The following NLRP8 variants were observed in gnomAD, a reference collection of about 807,000 sequenced individuals.
NLRP8 encodes the protein NACHT, LRR and PYD domains-containing protein 8.
Under a neutral mutation model 88.7 loss-of-function variants are expected in NLRP8, and 86 were observed. That is an observed-to-expected ratio of 0.97 (90% CI 0.81 to 1.16). The LOEUF (loss-of-function observed/expected upper bound fraction) is 1.16. Ranked by LOEUF, NLRP8 falls within the 50% of genes most tolerant of loss-of-function variation. The pLI, the probability that NLRP8 is intolerant of heterozygous loss-of-function variation, is 0.00. For missense variants in NLRP8, 1,342 were observed against 1,286.5 expected (o/e 1.04, Z -0.66); for synonymous variants, 504 against 494.6 (o/e 1.02, Z -0.25).
Position 55,947,876 on chromosome 19 carries a change from C to A in NLRP8, c.-27C>A. On this transcript the variant is annotated 5_prime_UTR_variant, in exon 1 of 10. It adds an upstream start codon to the 5' untranslated region. Transcript: ENST00000291971. The stretch of plus-strand genomic sequence containing the variant: ...CAATCGGTTGTCTTTATCGTGGACA[C>A]TGAGGTGTTCTCTGCCTTGACTAAA... The A allele has an allele frequency of 6.3e-7, 1 of 1,586,392 alleles. No homozygotes were observed. The highest frequency in any genetic ancestry group is 1.8e-4 in the Middle Eastern group (1 of 5,580).
chr19:55,950,569 C>T (rs1364766203), intron 1 of NLRP8, among the ~76,000 whole-genome samples: 2 of 152,200 alleles, frequency 1.3e-5, no homozygotes, highest in African/African-American at 2.4e-5. Flanking sequence ...AGATCATTCC[C>T]AGACAGCAAC....
Position 55,948,042 on chromosome 19 carries a change from A to G in NLRP8, c.140A>G (p.Asn47Ser), listed in dbSNP as rs750759488. 1 of 1,614,106 alleles carries G rather than the reference A, an allele frequency of 6.2e-7. No homozygotes were observed. The highest frequency in any genetic ancestry group is 2.2e-5 in the East Asian group (1 of 44,860). The change falls in exon 1 of 10, where the codon AAC becomes AGC. Residue 47 changes from asparagine (N) to serine (S), a missense_variant. Asn to Ser is a conservative substitution (Grantham distance 46, BLOSUM62 1). Coordinates refer to ENST00000291971, the MANE Select transcript of NLRP8 (RefSeq NM_176811.2). ...AATGGGGTCATGCTGTACATGAGAA[A>G]CGTGAGCCATGAGGAGCTACAACGG...
At chr19:55,980,578 T>C (rs1214485628) in intron 9 of NLRP8, among the ~76,000 whole-genome samples, 2 of 151,728 alleles carry the variant, frequency 1.3e-5, no homozygotes, top group Admixed American at 1.3e-4. Context: ...CTTGTGTGGC[T>C]GTGGGCGGCG....
intron 9 of NLRP8, chr19:55,987,715 G>C (rs116918966): frequency 2.4e-6 from 2 of 824,412 alleles, no homozygotes; most frequent in Admixed American, 1.9e-5. Flanking sequence ...GGAGGGGTAC[G>C]GTCTGTAGAA....
intron 7 of NLRP8, among the ~76,000 whole-genome samples, chr19:55,975,714 A>T (rs530284182): frequency 2.6e-5 from 4 of 151,132 alleles, no homozygotes; most frequent in Admixed American, 2.6e-4. Flanking sequence ...TTTAAATGAC[A>T]TGCCAAAAAT....
In NLRP8 at chr19:55,966,326, T is replaced by C. The variant is rs1192577539; in HGVS notation, c.2327T>C (p.Val776Ala). The C allele has an allele frequency of 1.2e-6, 2 of 1,614,016 alleles. No individual in the cohort carries two copies. Among genetic ancestry groups the C allele is most frequent in the East Asian group, 4.5e-5 (2 of 44,884 alleles). ...CATGTGGAAGTGGAGTCCAAAGCTG[T>C]GAAGCTTCTATGCAGGGTGCTGAGA... The change falls in exon 5 of 10, where the codon GTG becomes GCG. Residue 776 changes from valine to alanine, a missense_variant. Coordinates refer to ENST00000291971, the MANE Select transcript of NLRP8 (RefSeq NM_176811.2).
intron 4 of NLRP8, among the ~76,000 whole-genome samples, chr19:55,964,959 G>T (rs923011006): frequency 2.0e-5 from 3 of 152,088 alleles, no homozygotes; most frequent in African/African-American, 2.4e-5. Flanking sequence ...AGCATTAGAG[G>T]TGCAAGGCAA....
intron 3 of NLRP8, among the ~76,000 whole-genome samples, chr19:55,957,990 A>G (rs2123194256): frequency 6.6e-6 from 1 of 152,272 alleles, no homozygotes; most frequent in East Asian, 1.9e-4. Context: ...AATGTCAAGC[A>G]CTTGCTTTAT....
chr19:55,985,224 A>C (rs1468667454), intron 9 of NLRP8, among the ~76,000 whole-genome samples: 1 of 152,052 alleles, frequency 6.6e-6, no homozygotes. Context: ...AATCGCTTGA[A>C]CTGGGGAGGC....
intron 1 of NLRP8, among the ~76,000 whole-genome samples, chr19:55,951,263 A>G (rs1979082626): frequency 6.6e-6 from 1 of 152,194 alleles, no homozygotes; most frequent in African/African-American, 2.4e-5. Flanking sequence ...TAAATAATCA[A>G]CAATATGTAC....
intron 3 of NLRP8, among the ~76,000 whole-genome samples, chr19:55,961,661 G>A (rs931495581): frequency 6.6e-6 from 1 of 152,146 alleles, no homozygotes; most frequent in African/African-American, 2.4e-5. Flanking sequence ...AATCAGTCAG[G>A]TGTGGTGGCG....
At chr19:55,959,798 C>G (rs1373831947) in intron 3 of NLRP8, among the ~76,000 whole-genome samples, 4 of 152,306 alleles carry the variant, frequency 2.6e-5, no homozygotes, top group Admixed American at 6.5e-5. Context: ...AGCTATATGT[C>G]TACGTGTAAG....
intron 1 of NLRP8, among the ~76,000 whole-genome samples, chr19:55,950,165 C>T (rs1340400233): frequency 1.3e-5 from 2 of 151,122 alleles, no homozygotes; most frequent in African/African-American, 4.9e-5. Flanking sequence ...AATCCCAGCA[C>T]TTTGGGAGGC....
At chr19:55,971,260 T>A (rs1212780566) in intron 6 of NLRP8, among the ~76,000 whole-genome samples, 2 of 151,902 alleles carry the variant, frequency 1.3e-5, no homozygotes, top group African/African-American at 4.8e-5. Flanking sequence ...GCCAACATGG[T>A]GAAACCCCAT....
At chr19:55,978,780 G>T (rs765889215) in intron 8 of NLRP8, among the ~76,000 whole-genome samples, 1 of 152,098 alleles carries the variant, frequency 6.6e-6, no homozygotes, top group Non-Finnish European at 1.5e-5. Flanking sequence ...ATTTGAGCTG[G>T]GTGTGGTGGC....
intron 4 of NLRP8, among the ~76,000 whole-genome samples, chr19:55,965,661 T>A (rs1979802807): frequency 3.2e-5 from 1 of 31,198 alleles, no homozygotes; most frequent in Admixed American, 3.1e-4. Context: ...TTTTTTTAAA[T>A]TTTTTTTATT....
At chr19:55,979,252 T>A (rs146339393) in intron 8 of NLRP8, 142 bp from the exon 9 acceptor site, 2 of 862,406 alleles carry the variant, frequency 2.3e-6, no homozygotes, top group African/African-American at 3.4e-5. Context: ...ACTGATTGAC[T>A]ATAGGTGAAT....
At chr19:55,979,341 C>A in intron 8 of NLRP8, 53 bp from the exon 9 acceptor site, 3 of 1,597,912 alleles carry the variant, frequency 1.9e-6, no homozygotes, top group South Asian at 1.1e-5. Context: ...GCTGAGCTCT[C>A]AGATGAGTTG....
rs909195619 is a variant in NLRP8, at chr19:55,955,936, A to G, written c.1878A>G (p.Leu626=). Residue 626 remains leucine (L), a synonymous_variant, in exon 3 of 10, where the codon CTA becomes CTG. Transcript: ENST00000291971. Reference sequence around the variant, plus strand: ...AGGAAGCCTTTGTAAGCCAAGCCCTAAATGATTATCATAAAGTTGTCTTGA... The same window carrying G: ...AGGAAGCCTTTGTAAGCCAAGCCCTGAATGATTATCATAAAGTTGTCTTGA... The G allele has an allele frequency of 1.9e-6, 3 of 1,614,184 alleles. No individual in the cohort carries two copies. Among genetic ancestry groups the G allele is most frequent in the Non-Finnish European group, 2.5e-6 (3 of 1,180,024 alleles).
Sources: allele counts gnomAD v4.1 joint callset (sites outside exome capture counted in the v4.1 genomes callset), GRCh38; gene constraint gnomAD v4.1.1; transcripts MANE v1.5; gene names NCBI Gene and HGNC (gene_info 2026-07-23, HGNC 2026-07-21).